The following LGALS16 variants were observed in gnomAD, a reference collection of about 807,000 sequenced individuals.
LGALS16 encodes galectin-16.
In LGALS16, 15 loss-of-function variants were observed where a neutral mutation model predicts 13.2. The ratio of observed to expected loss-of-function variants is 1.13; its 90% CI spans 0.76 to 1.75. LGALS16 has a LOEUF of 1.75. Among genes scored for constraint, LGALS16 ranks in the 40% most tolerant of loss-of-function variants. The pLI, the probability that LGALS16 is intolerant of heterozygous loss-of-function variation, is 0.00. For missense variants in LGALS16, 198 were observed against 178.4 expected, an observed-to-expected ratio of 1.11 and a Z score of -0.63; for synonymous variants, 66 against 65.4, an observed-to-expected ratio of 1.01 and a Z score of -0.05.
intron 2 of LGALS16, 37 bp from the exon 3 acceptor site, chr19:39,658,423 A>G: frequency 1.3e-6 from 2 of 1,519,698 alleles, no homozygotes; most frequent in Non-Finnish European, 1.8e-6. Context: ...TGTGCAATGA[A>G]GGAACCTGTC....
intron 1 of LGALS16, among the ~76,000 whole-genome samples, chr19:39,656,993 T>C (rs1172382467): frequency 1.3e-5 from 2 of 152,096 alleles, no homozygotes; most frequent in Non-Finnish European, 2.9e-5. Context: ...CTGGGTTCAC[T>C]GGCTCACGGC....
chr19:39,659,648 A>G (rs1000484721), intron 3 of LGALS16, among the ~76,000 whole-genome samples: 7 of 152,322 alleles, frequency 4.6e-5, no homozygotes, highest in Admixed American at 2.0e-4. Context: ...CAACCTCCCA[A>G]TACTTACATT....
At chr19:39,658,701 G>T in intron 3 of LGALS16, 31 bp downstream of exon 3, 2 of 1,404,832 alleles carry the variant, frequency 1.4e-6, no homozygotes, top group Non-Finnish European at 2.0e-6. Flanking sequence ...CAGTACCCAG[G>T]CTCTTTGGGA....
In LGALS16 at chr19:39,657,967, C is replaced by T. The variant is rs550435754; in HGVS notation, c.92+8C>T. The T allele has an allele frequency of 1.4e-4, 221 of 1,613,520 alleles. No individual in the cohort carries two copies. Among genetic ancestry groups the T allele is most frequent in the Non-Finnish European group, 1.8e-4 (213 of 1,179,806 alleles). ...ACTGATCGACTCTTCTATGTGAGTA[C>T]TCCATGGTCCAATGGAGGGGGTGGA... is the stretch of plus-strand genomic sequence containing the variant. On this transcript the variant is annotated splice_region_variant and intron_variant, in intron 2 of 3. Coordinates refer to ENST00000392051, the MANE Select transcript of LGALS16 (RefSeq NM_001190441.3).
chr19:39,659,273 G>T (rs1465753930), intron 3 of LGALS16, among the ~76,000 whole-genome samples: 1 of 152,030 alleles, frequency 6.6e-6, no homozygotes, highest in Middle Eastern at 3.4e-3. Context: ...TAGAGACGGG[G>T]TTTCACCATG....
chr19:39,660,178 G>A (rs1399351706), intron 3 of LGALS16, among the ~76,000 whole-genome samples: 1 of 152,046 alleles, frequency 6.6e-6, no homozygotes, highest in Non-Finnish European at 1.5e-5. Flanking sequence ...ACAGAGTGTA[G>A]AACTTCACTA....
At chr19:39,657,682 T>C (rs1263791307) in intron 1 of LGALS16, 7 of 630,078 alleles carry the variant, frequency 1.1e-5, no homozygotes, top group African/African-American at 5.5e-5. Flanking sequence ...AATCCAGGCT[T>C]CTTGGCTCCT....
rs1973247916 is a variant in LGALS16, at chr19:39,660,452, G to A, written c.361G>A (p.Val121Met). Reference sequence around the variant, plus strand: ...TGTCCATCGAATCCCGCCATCATATGTGAAGATGATTCAAGTGTGGAGAGA... The same window carrying A: ...TGTCCATCGAATCCCGCCATCATATATGAAGATGATTCAAGTGTGGAGAGA... ...AFVHRIPPSY[V>M]KMIQVWRDVS... Residue 121 changes from valine to methionine, a missense_variant, in exon 4 of 4, where the codon GTG (valine) becomes ATG (methionine). Physicochemically the swap from Val to Met is conservative, Grantham distance 21 (BLOSUM62 1). Coordinates refer to ENST00000392051, the MANE Select transcript of LGALS16 (RefSeq NM_001190441.3). The A allele has an allele frequency of 1.9e-6, 3 of 1,541,902 alleles. No homozygotes were observed. The highest frequency in any genetic ancestry group is 1.4e-5 in the African/African-American group (1 of 73,270).
At chr19:39,660,013 G>C (rs1222747353) in intron 3 of LGALS16, among the ~76,000 whole-genome samples, 1 of 152,180 alleles carries the variant, frequency 6.6e-6, no homozygotes, top group Non-Finnish European at 1.5e-5. Flanking sequence ...ACAGTTCATG[G>C]AACTGAAAAG....
At chr19:39,657,721 CA>C (rs777401805) in intron 1 of LGALS16, 161 bp from the exon 2 acceptor site, 193 of 776,752 alleles carry the variant, frequency 2.5e-4, no homozygotes, top group Non-Finnish European at 3.8e-4. Context: ...ATGGGTCCAC[CA>C]TACCTTCAGG....
Position 39,655,916 on chromosome 19 carries a change from C to G in LGALS16, c.-46C>G. On this transcript the variant is annotated 5_prime_UTR_variant, in exon 1 of 4. Coordinates refer to ENST00000392051, the MANE Select transcript of LGALS16 (RefSeq NM_001190441.3). Reference sequence around the variant, plus strand: ...AAGTGCTGCAACTCAGAGATTCACTCAGAAGACTGGACACAATTCCGAAGG... The same window carrying G: ...AAGTGCTGCAACTCAGAGATTCACTGAGAAGACTGGACACAATTCCGAAGG... 1 of 1,610,360 alleles carries G rather than the reference C, an allele frequency of 6.2e-7. No individual in the cohort carries two copies. The highest frequency in any genetic ancestry group is 8.5e-7 in the Non-Finnish European group (1 of 1,177,270).
At chr19:39,659,294 T>C (rs1475197539) in intron 3 of LGALS16, among the ~76,000 whole-genome samples, 3 of 152,296 alleles carry the variant, frequency 2.0e-5, no homozygotes, top group African/African-American at 7.2e-5. Flanking sequence ...TTGGCCAGGC[T>C]GGTCTTGAAC....
intron 1 of LGALS16, 185 bp from the exon 2 acceptor site, chr19:39,657,698 C>T (rs779294798): frequency 2.2e-5 from 15 of 672,648 alleles, no homozygotes; most frequent in Non-Finnish European, 3.3e-5. Flanking sequence ...CTCCTGAACC[C>T]TTGCTCTTAC....
rs142264975 is a variant in LGALS16 at position 39,656,257 on chromosome 19, C to T, written c.15+281C>T. On this transcript the variant is annotated intron_variant, in intron 1 of 3. Transcript: ENST00000392051. ...GACTTTAGGTGGGAGGTGGATGGCA[C>T]ACCAGGTCAAGCAGGTGTTTGTGTG... 2.0e-5 allele frequency among the ~76,000 whole-genome samples: 3 copies of T among 152,216 alleles called. No individual in the cohort carries two copies. The East Asian group carries it at 5.8e-4, about 29-fold the overall frequency.
intron 1 of LGALS16, 149 bp from the exon 2 acceptor site, chr19:39,657,734 A>T (rs1319387851): frequency 3.6e-6 from 3 of 833,964 alleles, no homozygotes; most frequent in Non-Finnish European, 5.8e-6. Context: ...ACCTTCAGGA[A>T]TGTGGGGCCC....
chr19:39,658,482 G>A lies in LGALS16; in HGVS notation c.115G>A (p.Asp39Asn), dbSNP rs764476165. The A allele has an allele frequency of 2.5e-6, 4 of 1,602,250 alleles. No homozygotes were observed. In the African/African-American group the frequency reaches 5.3e-5, roughly 21 times the overall value. ...SSINEPQLQV[D>N]FYTEMNEDSE... ...CAGCAACGAACCACAGCTGCAGGTG[G>A]ATTTCTACACTGAGATGAATGAGGA... Residue 39 changes from aspartate (D) to asparagine (N), a missense_variant, in exon 3 of 4, where the codon GAT becomes AAT. Transcript: ENST00000392051.
intron 3 of LGALS16, among the ~76,000 whole-genome samples, chr19:39,659,102 CTTTTTTTTTT>C (rs74178093): frequency 1.4e-5 from 2 of 140,808 alleles, no homozygotes; most frequent in Non-Finnish European, 1.5e-5. Flanking sequence ...AATCCTTTTT[CTTTTTTTTTT>C]TTTTTGAGAC....
chr19:39,659,878 C>T (rs936157419), intron 3 of LGALS16, among the ~76,000 whole-genome samples: 9 of 152,122 alleles, frequency 5.9e-5, no homozygotes, highest in Admixed American at 2.0e-4. Context: ...AGATAATATC[C>T]TATGTTATAC....
chr19:39,660,566 G>A lies in LGALS16; in HGVS notation c.*46G>A. ...GAAACCCTCTTTCTACCTGACCATG[G>A]GATTCCTAGAGCCTGCTAACAGAAT... On this transcript the variant is annotated 3_prime_UTR_variant, in exon 4 of 4. Transcript: ENST00000392051. The A allele has an allele frequency of 6.6e-7, 1 of 1,521,140 alleles. No homozygotes were observed. The highest frequency in any genetic ancestry group is 1.2e-5 in the South Asian group (1 of 84,160). The allele number at this position is 1,521,140 out of a possible 1,614,324, so 94.2% of individuals were successfully genotyped here.
Sources: gnomAD v4.1 joint callset for allele counts (sites outside exome capture counted in the v4.1 genomes callset) on GRCh38, gnomAD v4.1.1 for gene constraint, MANE v1.5 for transcripts, NCBI Gene and HGNC (gene_info 2026-07-23, HGNC 2026-07-21) for gene names.